NELL1: variants seen among roughly 807,000 people sequenced by gnomAD.
NELL1 encodes protein kinase C-binding protein NELL1.
NELL1 carries 76 observed loss-of-function variants against 107.4 expected under a neutral mutation model. The observed-to-expected ratio is 0.71, with a 90% CI of 0.59 to 0.86. The LOEUF (loss-of-function observed/expected upper bound fraction) is 0.86. Ranked by LOEUF, NELL1 falls within the 40% of genes least tolerant of loss-of-function variation. The pLI, the probability that NELL1 is intolerant of heterozygous loss-of-function variation, is 0.00. For synonymous variants in NELL1, 353 were observed against 341.2 expected, an observed-to-expected ratio of 1.03 and a Z score of -0.38; for missense variants, 1,024 against 1,005.5, an observed-to-expected ratio of 1.02 and a Z score of -0.25.
At chr11:20,721,210 ATTTT>A (rs1564879272) in intron 2 of NELL1, among the ~76,000 whole-genome samples, 21 of 132,896 alleles carry the variant, frequency 1.6e-4, no homozygotes, top group African/African-American at 6.4e-4. Flanking sequence ...GTATATATAT[ATTTT>A]GTTTATATAT....
At position 21,557,015 on chromosome 11, in the gene NELL1, A is replaced by G. The variant is rs888385479; in HGVS notation, c.1787-3174A>G. The stretch of plus-strand genomic sequence containing the variant: ...TGCTCAGCAGAGAACAACAGTTGCA[A>G]TATGTAAATAGGGTGCCTCTTCCCG... On this transcript the variant is annotated intron_variant, in intron 16 of 19. Transcript: ENST00000357134. 7.2e-5 allele frequency among the ~76,000 whole-genome samples: 11 copies of G among 152,064 alleles called. No individual in the cohort carries two copies. The East Asian group carries it at 2.2e-3, about 30-fold the overall frequency.
At chr11:20,991,592 A>G (rs1419945557) in intron 12 of NELL1, among the ~76,000 whole-genome samples, 1 of 152,194 alleles carries the variant, frequency 6.6e-6, no homozygotes, top group Non-Finnish European at 1.5e-5. Context: ...TAACAATAAA[A>G]CAACAATGGA....
At chr11:21,213,727 C>A (rs1165439661) in intron 13 of NELL1, among the ~76,000 whole-genome samples, 3 of 152,282 alleles carry the variant, frequency 2.0e-5, no homozygotes, top group African/African-American at 7.2e-5. Flanking sequence ...GTTATTAACA[C>A]AATTCAATGG....
chr11:21,543,024 A>T (rs897605656), intron 16 of NELL1, among the ~76,000 whole-genome samples: 1 of 151,982 alleles, frequency 6.6e-6, no homozygotes, highest in African/African-American at 2.4e-5. Context: ...CAGGGAAGAG[A>T]CATGTCAGGG....
At chr11:20,915,717 A>ATATATATATATATATATATATG in intron 5 of NELL1, among the ~76,000 whole-genome samples, 3 of 58,224 alleles carry the variant, frequency 5.2e-5, no homozygotes, top group Non-Finnish European at 8.8e-5. Flanking sequence ...ATATATATAT[A>ATATATATATATATATATATATG]TTTTTTTTTT....
In NELL1 at chr11:21,175,618, C is replaced by T. The variant is rs78677901; in HGVS notation, c.1427-53714C>T. On this transcript the variant is annotated intron_variant, in intron 13 of 19. Coordinates refer to ENST00000357134, the MANE Select transcript of NELL1 (RefSeq NM_006157.5). ...TCTTTAAGGTACAAATGGGTTGCTACATAGGTATCAGTCTTTCTGTTTCAC... is the reference window on the plus strand; with the variant it reads ...TCTTTAAGGTACAAATGGGTTGCTATATAGGTATCAGTCTTTCTGTTTCAC... Among the ~76,000 whole-genome samples the T allele has an allele frequency of 3.7e-3, 562 of 151,992 alleles. 8 individuals are homozygous for T. The East Asian group carries it at 0.044, about 12-fold the overall frequency.
intron 14 of NELL1, among the ~76,000 whole-genome samples, chr11:21,326,061 T>G (rs78996744): frequency 0.17 from 17,487 of 105,218 alleles, 1,518 homozygotes; most frequent in Admixed American, 0.22. Context: ...TTTTTTTTTT[T>G]TTTTTTTTTT....
chr11:20,831,900 T>C (rs1277171390), intron 3 of NELL1, among the ~76,000 whole-genome samples: 1 of 152,224 alleles, frequency 6.6e-6, no homozygotes, highest in Admixed American at 6.5e-5. Context: ...AATGTTCACT[T>C]ACATATATTA....
chr11:20,700,131 C>A (rs75546932), intron 2 of NELL1, among the ~76,000 whole-genome samples: 1 of 137,724 alleles, frequency 7.3e-6, no homozygotes, highest in Non-Finnish European at 1.6e-5. Context: ...TTAGAAAAAA[C>A]AAAAACAAAA....
chr11:21,019,708 C>G (rs1014801155), intron 12 of NELL1, among the ~76,000 whole-genome samples: 1 of 152,028 alleles, frequency 6.6e-6, no homozygotes. Flanking sequence ...AATCCCAATA[C>G]TGCTGTGGTT....
intron 15 of NELL1, among the ~76,000 whole-genome samples, chr11:21,493,528 A>AC (rs1854888252): frequency 3.2e-4 from 1 of 3,136 alleles, no homozygotes; most frequent in Admixed American, 5.4e-3. Context: ...TGTAGGAGCT[A>AC]AAAAAAAAAA....
chr11:20,763,876 G>T (rs1316774984), intron 2 of NELL1, among the ~76,000 whole-genome samples: 1 of 152,212 alleles, frequency 6.6e-6, no homozygotes, highest in East Asian at 1.9e-4. Flanking sequence ...ATTAGCATAA[G>T]TTAGAGATGT....
chr11:21,390,395 A>T (rs1029041473), intron 15 of NELL1, among the ~76,000 whole-genome samples: 16 of 149,952 alleles, frequency 1.1e-4, no homozygotes, highest in African/African-American at 3.9e-4. Flanking sequence ...AATAAATAAT[A>T]TATTTACATT....
intron 12 of NELL1, among the ~76,000 whole-genome samples, chr11:21,095,964 T>G (rs556074523): frequency 6.6e-6 from 1 of 150,692 alleles, no homozygotes; most frequent in East Asian, 2.0e-4. Context: ...GTAGGGGAAC[T>G]CCTCTTTAAA....
intron 13 of NELL1, among the ~76,000 whole-genome samples, chr11:21,193,822 C>A (rs190013041): frequency 6.6e-6 from 1 of 151,966 alleles, no homozygotes; most frequent in Admixed American, 6.5e-5. Flanking sequence ...AAGTCAGTAT[C>A]TGATTTTTAG....
At chr11:21,073,458 G>C (rs1453722034) in intron 12 of NELL1, among the ~76,000 whole-genome samples, 1 of 152,164 alleles carries the variant, frequency 6.6e-6, no homozygotes, top group East Asian at 1.9e-4. Context: ...TCTAACGAAT[G>C]AGTTGATTTT....
At chr11:20,888,292 TA>T (rs1253951162) in intron 5 of NELL1, among the ~76,000 whole-genome samples, 59 of 151,888 alleles carry the variant, frequency 3.9e-4, no homozygotes, top group Non-Finnish European at 6.6e-4. Flanking sequence ...TACATGTATA[TA>T]AAAAAAGTTT....
chr11:20,904,859 C>T (rs1174938783), intron 5 of NELL1, among the ~76,000 whole-genome samples: 2 of 151,648 alleles, frequency 1.3e-5, no homozygotes, highest in African/African-American at 4.8e-5. Flanking sequence ...GACAGGGTCT[C>T]ATTCTGTTGC....
At chr11:21,180,833 G>A (rs1456715826) in intron 13 of NELL1, among the ~76,000 whole-genome samples, 1 of 151,174 alleles carries the variant, frequency 6.6e-6, no homozygotes, top group Non-Finnish European at 1.5e-5. Flanking sequence ...CTCTTTTAAA[G>A]AAATCTTTCT....
Sources: allele counts gnomAD v4.1 joint callset (sites outside exome capture counted in the v4.1 genomes callset), GRCh38; gene constraint gnomAD v4.1.1; transcripts MANE v1.5; gene names NCBI Gene and HGNC (gene_info 2026-07-23, HGNC 2026-07-21).